The following KIF5C variants were observed in gnomAD, a reference collection of about 807,000 sequenced individuals.
The protein encoded by KIF5C is kinesin family member 5C.
A neutral mutation model predicts 125.2 loss-of-function variants in KIF5C; 18 were observed. The observed-to-expected ratio is 0.14, with a 90% confidence interval of 0.10 to 0.21. The LOEUF is 0.21. Ranked by LOEUF, KIF5C falls within the 10% of genes least tolerant of loss-of-function variation. The probability of loss-of-function intolerance (pLI) is 1.00; values close to 1 mark genes in which losing one functional copy is unlikely to be tolerated. For missense variants in KIF5C, 780 were observed against 1,183.8 expected (o/e 0.66, Z 5.01); for synonymous variants, 405 against 434.0 (o/e 0.93, Z 0.83).
chr2:148,875,751 GCTGGGGCGT>G lies in KIF5C; in HGVS notation c.126+12_126+20del. 1 of 1,601,482 alleles carries G rather than the reference GCTGGGGCGT, an allele frequency of 6.2e-7. No homozygotes were observed. The highest frequency in any genetic ancestry group is 8.5e-7 in the Non-Finnish European group (1 of 1,174,804). ...GAGACCGTGGTGATCGGGGTAAGTGGCTGGGGCGTCTGCCTTCCCTGCTGCTCCGCGCCG... is the reference window on the plus strand; with the variant it reads ...GAGACCGTGGTGATCGGGGTAAGTGGCTGCCTTCCCTGCTGCTCCGCGCCG... On this transcript the variant is annotated intron_variant, in intron 1 of 25. Coordinates refer to ENST00000435030, the MANE Select transcript of KIF5C (RefSeq NM_004522.3).
intron 3 of KIF5C, among the ~76,000 whole-genome samples, chr2:148,934,343 T>G (rs926621364): frequency 1.0e-4 from 15 of 148,934 alleles, no homozygotes; most frequent in African/African-American, 3.7e-4. Context: ...ATCACACACA[T>G]CCATATAGAC....
chr2:148,908,630 C>G (rs562503134), intron 1 of KIF5C, among the ~76,000 whole-genome samples: 1 of 152,210 alleles, frequency 6.6e-6, no homozygotes, highest in Non-Finnish European at 1.5e-5. Flanking sequence ...TGGGGTCATC[C>G]GAGGATTCAG....
rs1682652601 is a variant in KIF5C, at chr2:149,025,145, G to A, written c.*2075G>A. 1 of 152,502 alleles carries A rather than the reference G, an allele frequency of 6.6e-6. No individual in the cohort carries two copies. The highest frequency in any genetic ancestry group is 1.5e-5 in the Non-Finnish European group (1 of 68,010). The allele number at this position is 152,502 out of a possible 1,614,324, so 9.4% of individuals were successfully genotyped here. A position where few individuals can be genotyped will look rare whatever the true frequency, so the allele number is the denominator to read the frequency against. ...GTTTCTACTTCTAAAGAATTGCTTG[G>A]CACTTTCATGTTTCAAAGGGAAACA... is the stretch of plus-strand genomic sequence containing the variant. On this transcript the variant is annotated 3_prime_UTR_variant, in exon 26 of 26. Coordinates refer to ENST00000435030, the MANE Select transcript of KIF5C (RefSeq NM_004522.3).
chr2:149,021,750 T>G lies in KIF5C; in HGVS notation c.*8-1328T>G, dbSNP rs186782925. Among the ~76,000 whole-genome samples the G allele has an allele frequency of 2.0e-5, 3 of 149,036 alleles. No homozygotes were observed. In the East Asian group the frequency reaches 5.9e-4, roughly 29 times the overall value. On this transcript the variant is annotated intron_variant, in intron 25 of 25. Transcript: ENST00000435030. The stretch of plus-strand genomic sequence containing the variant: ...TTTTTTTTTTTAATCAAAAGAGAAG[T>G]TGGGCTTTTCTTAGTGGCTGTTGTA...
At position 148,973,472 on chromosome 2, in the gene KIF5C, TGAG is replaced by T. The variant is rs778061051; in HGVS notation, c.1258_1260del (p.Glu420del). 3.1e-6 allele frequency: 5 copies of T among 1,613,204 alleles called. No homozygotes were observed. The highest frequency in any genetic ancestry group is 4.2e-6 in the Non-Finnish European group (5 of 1,179,562). On this transcript the variant is annotated inframe_deletion, in exon 12 of 26. Coordinates refer to ENST00000435030, the MANE Select transcript of KIF5C (RefSeq NM_004522.3). ...CTACAGAGGAGAAAGAGAAGTACGA[TGAG>T]GAGATCTCCAGTCTCTACAGACAAC... is the stretch of plus-strand genomic sequence containing the variant.
At chr2:148,965,788 G>A (rs1016453562) in intron 11 of KIF5C, among the ~76,000 whole-genome samples, 1 of 152,176 alleles carries the variant, frequency 6.6e-6, no homozygotes, top group African/African-American at 2.4e-5. Flanking sequence ...GAGTGGGCCT[G>A]ACTCTAAAGT....
At chr2:149,020,566 T>C (rs1162274651) in intron 25 of KIF5C, among the ~76,000 whole-genome samples, 1 of 152,194 alleles carries the variant, frequency 6.6e-6, no homozygotes, top group African/African-American at 2.4e-5. Flanking sequence ...CATTTGTGTC[T>C]AGTGCTTGCT....
At position 148,876,020 on chromosome 2, in the gene KIF5C, G is replaced by A. The variant is rs1361430142; in HGVS notation, c.126+277G>A. Reference sequence around the variant, plus strand: ...GCGCCGCCATTGTTCGCCGGGTGGGGGCCCGGGTGGGCCCATTGTTCCCCA... The same window carrying A: ...GCGCCGCCATTGTTCGCCGGGTGGGAGCCCGGGTGGGCCCATTGTTCCCCA... On this transcript the variant is annotated intron_variant, in intron 1 of 25. Transcript: ENST00000435030. The surrounding 1 kb of genome is among the most constrained non-coding windows in gnomAD (Gnocchi z 4.7). Among the ~76,000 whole-genome samples, 1 of 152,104 alleles carries A rather than the reference G, an allele frequency of 6.6e-6. No individual in the cohort carries two copies. The highest frequency in any genetic ancestry group is 1.5e-5 in the Non-Finnish European group (1 of 68,004).
In KIF5C at chr2:149,021,271, T is replaced by C. The variant is rs142733004; in HGVS notation, c.*8-1807T>C. ...AGAGATGGGGTTTCACCATGTTGGC[T>C]GGGCTGGTTTCAAACTCCTGACCTC... On this transcript the variant is annotated intron_variant, in intron 25 of 25. Transcript: ENST00000435030. 7.3e-3 allele frequency among the ~76,000 whole-genome samples: 1,110 copies of C among 152,244 alleles called. 18 individuals are homozygous for C. Among genetic ancestry groups the C allele is most frequent in the African/African-American group, 0.026 (1,074 of 41,542 alleles).
chr2:148,977,982 A>G (rs761805624), intron 12 of KIF5C, among the ~76,000 whole-genome samples: 2 of 152,202 alleles, frequency 1.3e-5, no homozygotes, highest in Admixed American at 6.5e-5. Context: ...CCTGGCACGA[A>G]GAAGTGCCCA....
intron 15 of KIF5C, among the ~76,000 whole-genome samples, chr2:148,987,409 CGTTGGG>C (rs1434850655): frequency 6.6e-6 from 1 of 152,028 alleles, no homozygotes; most frequent in Non-Finnish European, 1.5e-5. Context: ...GGTGGTCTCT[CGTTGGG>C]GAAGGAACTT....
At chr2:149,002,138 C>A (rs1186229890) in intron 21 of KIF5C, among the ~76,000 whole-genome samples, 4 of 152,220 alleles carry the variant, frequency 2.6e-5, no homozygotes, top group Admixed American at 2.6e-4. Flanking sequence ...AAGTGATAAT[C>A]CTAATTATAG....
At chr2:148,880,940 T>G in intron 1 of KIF5C, among the ~76,000 whole-genome samples, 1 of 138,056 alleles carries the variant, frequency 7.2e-6, no homozygotes, top group Admixed American at 7.3e-5. Context: ...ATTCACTAGC[T>G]AAAAAAAAAC....
At chr2:148,991,269 T>C (rs1219729504) in intron 16 of KIF5C, 71 bp downstream of exon 16, 1 of 1,526,878 alleles carries the variant, frequency 6.5e-7, no homozygotes, top group Non-Finnish European at 8.8e-7. Flanking sequence ...CCCTTGCTGG[T>C]GCTGATGGTG....
At chr2:148,983,571 GA>G in intron 14 of KIF5C, 48 bp from the exon 15 acceptor site, 3 of 1,497,618 alleles carry the variant, frequency 2.0e-6, no homozygotes, top group Non-Finnish European at 2.7e-6. Flanking sequence ...TGGAGTGTAT[GA>G]AATTGATGGG....
chr2:148,988,557 C>T (rs1214469896), intron 15 of KIF5C, among the ~76,000 whole-genome samples: 2 of 152,190 alleles, frequency 1.3e-5, no homozygotes, highest in Non-Finnish European at 2.9e-5. Context: ...CGTTTTCCTA[C>T]CAGGAGCTGG....
intron 25 of KIF5C, among the ~76,000 whole-genome samples, chr2:149,011,976 G>C (rs920576729): frequency 9.9e-5 from 15 of 152,188 alleles, no homozygotes; most frequent in Non-Finnish European, 1.9e-4. Context: ...TTGCCTGTGG[G>C]ACTCCCCTCT....
chr2:148,972,424 T>C (rs917401399), intron 11 of KIF5C, among the ~76,000 whole-genome samples: 3 of 152,236 alleles, frequency 2.0e-5, no homozygotes, highest in Non-Finnish European at 4.4e-5. Flanking sequence ...TTGGTTTTGC[T>C]TTCCAGGAAG....
rs776682822 is a variant in KIF5C, at chr2:149,011,644, A to G, written c.2842A>G (p.Ser948Gly). ...CCATGCCATTCGAGGGGGAGGAGGC[A>G]GCTCTTCAAATTCCACTCACTACCA... ...AVHAIRGGGG[S>G]SSNSTHYQK Residue 948 changes from serine (S) to glycine (G), a missense_variant, in exon 25 of 26, where the codon AGC becomes GGC. Ser to Gly is a moderately conservative substitution (Grantham distance 56, BLOSUM62 0). This residue lies in a region of KIF5C where 573 missense variants were observed against 742.6 expected (regional missense o/e 0.77). Coordinates refer to ENST00000435030, the MANE Select transcript of KIF5C (RefSeq NM_004522.3). 2 of 1,614,056 alleles carry G rather than the reference A, an allele frequency of 1.2e-6. No individual in the cohort carries two copies. The highest frequency in any genetic ancestry group is 3.3e-5 in the Admixed American group (2 of 60,030).
Sources: gnomAD v4.1 joint callset for allele counts (sites outside exome capture counted in the v4.1 genomes callset) on GRCh38, gnomAD v4.1.1 for gene constraint, gnomAD v4.1.1 regional missense constraint, Gnocchi (gnomAD v3.1) non-coding constraint, MANE v1.5 for transcripts, NCBI Gene and HGNC (gene_info 2026-07-23, HGNC 2026-07-21) for gene names.